PPP3CA: variants seen among roughly 807,000 people sequenced by gnomAD.
PPP3CA encodes the protein CAM-PRP catalytic subunit.
PPP3CA carries 14 observed loss-of-function variants against 66.5 expected under a neutral mutation model. The ratio of observed to expected loss-of-function variants is 0.21; its 90% CI spans 0.14 to 0.33. The LOEUF (loss-of-function observed/expected upper bound fraction) is 0.33. Among genes scored for constraint, PPP3CA ranks in the 10% least tolerant of loss-of-function variants. The pLI is 1.00. For synonymous variants in PPP3CA, 232 were observed against 226.2 expected, an observed-to-expected ratio of 1.03 and a Z score of -0.23; for missense variants, 317 against 639.5, an observed-to-expected ratio of 0.50 and a Z score of 5.44.
At chr4:101,207,443 T>C (rs1268478760) in intron 1 of PPP3CA, among the ~76,000 whole-genome samples, 1 of 152,196 alleles carries the variant, frequency 6.6e-6, no homozygotes, top group Non-Finnish European at 1.5e-5. Context: ...TTCTTTTTAG[T>C]GTCTGCATGA....
At chr4:101,160,447 A>G (rs1362019365) in intron 2 of PPP3CA, among the ~76,000 whole-genome samples, 7 of 152,184 alleles carry the variant, frequency 4.6e-5, no homozygotes, top group Non-Finnish European at 7.3e-5. Flanking sequence ...GTCAAAAACA[A>G]TAATTTCAAA....
At chr4:101,283,028 CTCAA>C (rs1269129823) in intron 1 of PPP3CA, among the ~76,000 whole-genome samples, 3 of 152,254 alleles carry the variant, frequency 2.0e-5, no homozygotes, top group Admixed American at 6.5e-5. Context: ...TTAACACATT[CTCAA>C]TCAAAGCTCT....
chr4:101,071,803 A>G (rs181364239), intron 8 of PPP3CA, among the ~76,000 whole-genome samples: 2 of 152,350 alleles, frequency 1.3e-5, no homozygotes, highest in African/African-American at 4.8e-5. Context: ...AACTTTGTTG[A>G]GGTTTCACAA....
intron 1 of PPP3CA, among the ~76,000 whole-genome samples, chr4:101,299,453 C>T (rs1172776992): frequency 1.3e-5 from 2 of 151,820 alleles, no homozygotes; most frequent in African/African-American, 4.8e-5. Context: ...AACAATCCTC[C>T]CACCTCTGCC....
rs756619477 is a variant in PPP3CA at position 101,124,725 on chromosome 4, G to GAGAA, written c.260-15651_260-15648dup. 5.1e-3 allele frequency among the ~76,000 whole-genome samples: 299 copies of GAGAA among 58,784 alleles called. 16 individuals carry two copies. The highest frequency in any genetic ancestry group is 0.011 in the Middle Eastern group (1 of 90). The allele number at this position is 58,784 out of a possible 152,430, so 38.6% of individuals were successfully genotyped here. ...AGAAAGAAAGAAAGAAAGAAAGAAA[G>GAGAA]AGAAAGAAAGAAAGAAAGAAAGAAA... On this transcript the variant is annotated intron_variant, in intron 2 of 13. Coordinates refer to ENST00000394854, the MANE Select transcript of PPP3CA (RefSeq NM_000944.5).
intron 2 of PPP3CA, among the ~76,000 whole-genome samples, chr4:101,145,637 A>G (rs1260753898): frequency 1.3e-5 from 2 of 152,168 alleles, no homozygotes; most frequent in Non-Finnish European, 2.9e-5. Flanking sequence ...TAAGAAGGGT[A>G]GTTGGGGGTA....
At chr4:101,169,441 A>C (rs911337912) in intron 2 of PPP3CA, among the ~76,000 whole-genome samples, 1 of 152,202 alleles carries the variant, frequency 6.6e-6, no homozygotes, top group African/African-American at 2.4e-5. Context: ...CCATGTCATG[A>C]GACGTGTAGT....
chr4:101,309,950 G>A lies in PPP3CA; in HGVS notation c.58+36789C>T, dbSNP rs1221415757. Among the ~76,000 whole-genome samples, 10 of 152,120 alleles carry A rather than the reference G, an allele frequency of 6.6e-5. No individual in the cohort carries two copies. The East Asian group carries it at 7.7e-4, about 12-fold the overall frequency. Reference sequence around the variant, plus strand: ...ATTCAACATTTTAATTCTGTATTCCGTGTCCTAGAAAGCTTGAGACAGTAT... The same window carrying A: ...ATTCAACATTTTAATTCTGTATTCCATGTCCTAGAAAGCTTGAGACAGTAT... On this transcript the variant is annotated intron_variant, in intron 1 of 13. Transcript: ENST00000394854.
At chr4:101,106,496 AAAAG>A (rs148156838) in intron 3 of PPP3CA, among the ~76,000 whole-genome samples, 652 of 51,222 alleles carry the variant, frequency 0.013, 114 homozygotes, top group East Asian at 0.077. Flanking sequence ...AAAAGAAAAG[AAAAG>A]AAAGAAAGAA....
chr4:101,141,934 C>A (rs1722821326), intron 2 of PPP3CA, among the ~76,000 whole-genome samples: 1 of 151,988 alleles, frequency 6.6e-6, no homozygotes, highest in South Asian at 2.1e-4. Flanking sequence ...AATATAATCT[C>A]AGATTCCACT....
intron 1 of PPP3CA, among the ~76,000 whole-genome samples, chr4:101,329,766 C>A (rs1173187191): frequency 2.6e-5 from 4 of 151,970 alleles, no homozygotes; most frequent in Non-Finnish European, 4.4e-5. Context: ...GTAAGTGGAA[C>A]AACAAAGCCT....
At position 101,063,900 on chromosome 4, in the gene PPP3CA, AT is replaced by A. The variant is rs1396784157; in HGVS notation, c.956-544del. 2.6e-5 allele frequency among the ~76,000 whole-genome samples: 4 copies of A among 152,076 alleles called. No individual in the cohort carries two copies. The East Asian group carries it at 7.7e-4, about 29-fold the overall frequency. On this transcript the variant is annotated intron_variant, in intron 8 of 13. Transcript: ENST00000394854. ...GCATAGTGATGTTTTGACACATATAATGCACAGTAATCAGATCAGGGTAATT... is the reference window on the plus strand; with the variant it reads ...GCATAGTGATGTTTTGACACATATAAGCACAGTAATCAGATCAGGGTAATT...
intron 2 of PPP3CA, among the ~76,000 whole-genome samples, chr4:101,121,694 T>C (rs1008190379): frequency 1.3e-5 from 2 of 152,160 alleles, no homozygotes; most frequent in Non-Finnish European, 2.9e-5. Flanking sequence ...TAGTCATTAT[T>C]TTTTTGAACT....
At chr4:101,133,662 T>C (rs2110285002) in intron 2 of PPP3CA, among the ~76,000 whole-genome samples, 1 of 152,250 alleles carries the variant, frequency 6.6e-6, no homozygotes, top group East Asian at 1.9e-4. Context: ...AAAATGGCCA[T>C]ACTGCTCAAA....
At chr4:101,093,744 C>T (rs761532021) in intron 6 of PPP3CA, 32 bp downstream of exon 6, 22 of 1,557,438 alleles carry the variant, frequency 1.4e-5, no homozygotes, top group East Asian at 4.6e-5. Flanking sequence ...ATGATGCAAA[C>T]GTGTTCCAGA....
intron 12 of PPP3CA, among the ~76,000 whole-genome samples, chr4:101,031,333 T>TTA (rs1489703181): frequency 6.6e-6 from 1 of 152,118 alleles, no homozygotes; most frequent in Non-Finnish European, 1.5e-5. Flanking sequence ...TTGAAAAATG[T>TTA]TATAGCATAT....
At chr4:101,211,726 A>G (rs374781795) in intron 1 of PPP3CA, among the ~76,000 whole-genome samples, 19 of 152,266 alleles carry the variant, frequency 1.2e-4, no homozygotes, top group African/African-American at 4.3e-4. Flanking sequence ...GTTCCCTCTC[A>G]GACTGGCCTG....
intron 1 of PPP3CA, among the ~76,000 whole-genome samples, chr4:101,221,108 A>G (rs116098641): frequency 0.011 from 1,649 of 151,814 alleles, 16 homozygotes; most frequent in Non-Finnish European, 0.016. Context: ...CTATGAAATG[A>G]CTTGCTTCCA....
intron 1 of PPP3CA, among the ~76,000 whole-genome samples, chr4:101,323,979 G>T (rs1729119719): frequency 6.6e-6 from 1 of 152,014 alleles, no homozygotes; most frequent in African/African-American, 2.4e-5. Context: ...CAGGAGTGGT[G>T]GCACACACTT....
Sources: allele counts gnomAD v4.1 joint callset (sites outside exome capture counted in the v4.1 genomes callset), GRCh38; gene constraint gnomAD v4.1.1; transcripts MANE v1.5; gene names NCBI Gene and HGNC (gene_info 2026-07-23, HGNC 2026-07-21).